Variants in FREM3 observed in about 807,000 individuals in gnomAD.
FREM3 encodes FRAS1 related extracellular matrix 3.
Under a neutral mutation model 129.1 loss-of-function variants are expected in FREM3, and 105 were observed. The observed-to-expected ratio is 0.81, with a 90% CI of 0.69 to 0.96. The LOEUF (loss-of-function observed/expected upper bound fraction) is 0.96. Among genes scored for constraint, FREM3 ranks in the 40% least tolerant of loss-of-function variants. FREM3 has a pLI of 0.00. For missense variants in FREM3, 2,593 were observed against 2,666.3 expected (o/e 0.97, Z 0.61); for synonymous variants, 1,014 against 1,044.9 (o/e 0.97, Z 0.57).
chr4:143,583,520 G>A (rs1050610531), intron 7 of FREM3, among the ~76,000 whole-genome samples: 12 of 151,924 alleles, frequency 7.9e-5, no homozygotes, highest in Non-Finnish European at 1.5e-4. Context: ...GACTCTCCAA[G>A]GTTGACATGA....
chr4:143,588,943 G>C (rs918512044), intron 6 of FREM3, among the ~76,000 whole-genome samples: 24 of 151,722 alleles, frequency 1.6e-4, no homozygotes, highest in Admixed American at 2.0e-4. Context: ...ATTCTAACTG[G>C]TGTGAGATGG....
At position 143,695,673 on chromosome 4, in the gene FREM3, G is replaced by A. The variant is rs914631568; in HGVS notation, c.5003C>T (p.Ala1668Val). 3.9e-6 allele frequency: 6 copies of A among 1,537,100 alleles called. No individual in the cohort carries two copies. The African/African-American group carries it at 8.2e-5, about 21-fold the overall frequency. ...AGTGTGAAGGCGCTTCAAGGCTGGG[G>A]CACCCCTGTTGGTAGTAATCTGGGG... ...RLPQITTNRG[A>V]PALKRLHTGH... The change falls in exon 1 of 8, where the codon GCC becomes GTC. Residue 1668 changes from alanine (A) to valine (V), a missense_variant. By Grantham distance (64) the Ala-to-Val change is moderately conservative (BLOSUM62 0). Coordinates refer to ENST00000329798, the MANE Select transcript of FREM3 (RefSeq NM_001168235.2).
At position 143,694,683 on chromosome 4, in the gene FREM3, C is replaced by T. The variant is rs75811598; in HGVS notation, c.5185+808G>A. On this transcript the variant is annotated intron_variant, in intron 1 of 7. Transcript: ENST00000329798. ...TAAGTTCTGGGATACATGTGCATAA[C>T]GTGCAGGTTTGTTACATAGGTATAC... Among the ~76,000 whole-genome samples the T allele has an allele frequency of 0.012, 1,761 of 152,178 alleles. 93 individuals carry two copies. In the East Asian group the frequency reaches 0.17, roughly 15 times the overall value.
Position 143,697,412 on chromosome 4 carries a change from C to A in FREM3, c.3264G>T (p.Leu1088Phe). The part of the protein sequence containing the change: ...FIVYEGEKNS[L>F]TLQHLHVEDV... ...CTTCAACATGGAGATGTTGTAAGGT[C>A]AAGGAGTTCTTCTCACCTTCATAGA... The change falls in exon 1 of 8, where the codon TTG becomes TTT. Residue 1088 changes from leucine (L) to phenylalanine (F), a missense_variant. Leu to Phe is a conservative substitution (Grantham distance 22). Coordinates refer to ENST00000329798, the MANE Select transcript of FREM3 (RefSeq NM_001168235.2). The A allele has an allele frequency of 6.5e-7, 1 of 1,537,202 alleles. No homozygotes were observed. Among genetic ancestry groups the A allele is most frequent in the Non-Finnish European group, 8.7e-7 (1 of 1,146,900 alleles).
Position 143,668,195 on chromosome 4 carries a change from C to T in FREM3, c.5275+24918G>A, listed in dbSNP as rs550336197. 1.7e-3 allele frequency among the ~76,000 whole-genome samples: 264 copies of T among 152,138 alleles called. 3 individuals carry two copies. The highest frequency in any genetic ancestry group is 2.9e-4 in the Non-Finnish European group (20 of 67,994). On this transcript the variant is annotated intron_variant, in intron 2 of 7. Transcript: ENST00000329798. ...CAGGGCTGGAAAGTGACTCAAGAAC[C>T]GATGAACATGATGAGTATCCAGAGC...
chr4:143,630,143 C>T (rs546040851), intron 2 of FREM3, among the ~76,000 whole-genome samples: 4 of 152,208 alleles, frequency 2.6e-5, no homozygotes, highest in South Asian at 2.1e-4. Context: ...GTTTCTTCAT[C>T]TGTAAATGTG....
At chr4:143,690,104 G>A (rs2132933) in intron 2 of FREM3, among the ~76,000 whole-genome samples, 149,115 of 151,976 alleles carry the variant, frequency 0.98, 73,217 homozygotes, top group East Asian at 1. Context: ...GAACTCCAGA[G>A]CTGTAAGATG....
At chr4:143,653,984 A>T (rs1298709828) in intron 2 of FREM3, among the ~76,000 whole-genome samples, 1 of 152,256 alleles carries the variant, frequency 6.6e-6, no homozygotes, top group African/African-American at 2.4e-5. Flanking sequence ...GGAGGTTCAT[A>T]AAGTGAGAAT....
At chr4:143,619,964 T>G (rs184219383) in intron 5 of FREM3, among the ~76,000 whole-genome samples, 17 of 152,248 alleles carry the variant, frequency 1.1e-4, no homozygotes, top group African/African-American at 4.1e-4. Context: ...GTAGGAGCAC[T>G]GATTTTGAGA....
intron 2 of FREM3, among the ~76,000 whole-genome samples, chr4:143,690,216 A>G (rs1292317860): frequency 1.3e-5 from 2 of 152,182 alleles, no homozygotes; most frequent in African/African-American, 4.8e-5. Flanking sequence ...AACACATGCC[A>G]TCATTATCTT....
intron 2 of FREM3, among the ~76,000 whole-genome samples, chr4:143,684,013 G>A (rs1740307616): frequency 6.6e-6 from 1 of 152,092 alleles, no homozygotes; most frequent in Non-Finnish European, 1.5e-5. Context: ...CCCACCCAAG[G>A]AAAGTCTGAG....
chr4:143,635,654 G>A (rs1161804810), intron 2 of FREM3, among the ~76,000 whole-genome samples: 2 of 152,164 alleles, frequency 1.3e-5, no homozygotes, highest in Non-Finnish European at 2.9e-5. Flanking sequence ...TACTGAATCT[G>A]ATACAAATCT....
At chr4:143,685,437 T>A (rs923781466) in intron 2 of FREM3, among the ~76,000 whole-genome samples, 4 of 152,174 alleles carry the variant, frequency 2.6e-5, no homozygotes, top group African/African-American at 7.2e-5. Context: ...CTTTTTCAGA[T>A]GAACAAGTGC....
At chr4:143,579,549 G>A (rs891760740) in intron 7 of FREM3, among the ~76,000 whole-genome samples, 6 of 152,138 alleles carry the variant, frequency 3.9e-5, no homozygotes, top group Admixed American at 3.9e-4. Context: ...TCAAATCTTG[G>A]TTTATTGCTT....
At chr4:143,685,373 C>A (rs959360037) in intron 2 of FREM3, among the ~76,000 whole-genome samples, 2 of 152,084 alleles carry the variant, frequency 1.3e-5, no homozygotes, top group African/African-American at 4.8e-5. Context: ...AATTATCAGC[C>A]AAGAATTTTG....
rs192791592 is a variant in FREM3, at chr4:143,632,188, G to T, written c.5276-4428C>A. On this transcript the variant is annotated intron_variant, in intron 2 of 7. Transcript: ENST00000329798. The stretch of plus-strand genomic sequence containing the variant: ...TGCTATTGACTCTTCTAAGTGTTGA[G>T]GATAGAACAGTGAAATCAAAAAAAT... Among the ~76,000 whole-genome samples the T allele has an allele frequency of 3.8e-4, 54 of 140,722 alleles. No individual in the cohort carries two copies. In the East Asian group the frequency reaches 9.9e-3, roughly 26 times the overall value. 92.3% of individuals were successfully genotyped at this position (140,722 alleles called of 152,430 possible). A position where few individuals can be genotyped will look rare whatever the true frequency, so the allele number is the denominator to read the frequency against.
chr4:143,582,862 T>C (rs998215560), intron 7 of FREM3, among the ~76,000 whole-genome samples: 9 of 151,574 alleles, frequency 5.9e-5, no homozygotes, highest in African/African-American at 2.2e-4. Context: ...CATAATACGA[T>C]TGAAAATATT....
At chr4:143,683,402 A>G (rs561072583) in intron 2 of FREM3, among the ~76,000 whole-genome samples, 5 of 152,154 alleles carry the variant, frequency 3.3e-5, no homozygotes, top group Non-Finnish European at 7.3e-5. Flanking sequence ...CTAAACACAC[A>G]CCCCCATTGG....
intron 7 of FREM3, among the ~76,000 whole-genome samples, chr4:143,578,490 A>G (rs1250880027): frequency 6.6e-6 from 1 of 152,230 alleles, no homozygotes; most frequent in East Asian, 1.9e-4. Context: ...GGAACAGAAT[A>G]TTTATATTGT....
Sources: gnomAD v4.1 joint callset for allele counts (sites outside exome capture counted in the v4.1 genomes callset) on GRCh38, gnomAD v4.1.1 for gene constraint, MANE v1.5 for transcripts, NCBI Gene and HGNC (gene_info 2026-07-23, HGNC 2026-07-21) for gene names.